Variants in CDH18 observed in about 807,000 individuals in gnomAD.
CDH18 encodes cadherin-18.
In CDH18, 31 loss-of-function variants were observed where a neutral mutation model predicts 67.9. That is an observed-to-expected ratio of 0.46 (90% CI 0.34 to 0.62). CDH18 has a LOEUF of 0.62. CDH18 is among the 20% of genes least tolerant of loss of function. The probability of loss-of-function intolerance (pLI) is 0.01; values close to 1 mark genes in which losing one functional copy is unlikely to be tolerated. For missense variants in CDH18, 890 were observed against 975.5 expected (o/e 0.91, Z 1.17); for synonymous variants, 362 against 347.2 (o/e 1.04, Z -0.48).
chr5:20,230,625 G>A (rs768168826), intron 2 of CDH18, among the ~76,000 whole-genome samples: 2 of 146,664 alleles, frequency 1.4e-5, no homozygotes, highest in African/African-American at 5.0e-5. Context: ...CTTCATTTCA[G>A]ATAAGTATAG....
At chr5:19,925,143 T>A (rs962208475) in intron 2 of CDH18, among the ~76,000 whole-genome samples, 3 of 152,158 alleles carry the variant, frequency 2.0e-5, no homozygotes, top group African/African-American at 7.2e-5. Flanking sequence ...AAGACACAGG[T>A]ACAGTACTTT....
At chr5:20,249,538 G>A (rs1743656726) in intron 2 of CDH18, among the ~76,000 whole-genome samples, 1 of 151,808 alleles carries the variant, frequency 6.6e-6, no homozygotes, top group Non-Finnish European at 1.5e-5. Flanking sequence ...GCCCGCCACT[G>A]CGCCCACCTA....
At chr5:19,760,988 C>T (rs1772262070) in intron 3 of CDH18, among the ~76,000 whole-genome samples, 1 of 152,104 alleles carries the variant, frequency 6.6e-6, no homozygotes, top group South Asian at 2.1e-4. Context: ...AAATATTCAC[C>T]AGAGTTTACA....
intron 1 of CDH18, among the ~76,000 whole-genome samples, chr5:20,469,937 C>T (rs1561035740): frequency 6.6e-6 from 1 of 152,116 alleles, no homozygotes; most frequent in Non-Finnish European, 1.5e-5. Flanking sequence ...TCCTGAACTA[C>T]TGTGGACTTG....
intron 1 of CDH18, among the ~76,000 whole-genome samples, chr5:20,531,986 A>G (rs1756428818): frequency 1.3e-5 from 2 of 152,118 alleles, no homozygotes. Context: ...ATCCTGCTCA[A>G]ATGTATGTAT....
chr5:19,525,187 A>G (rs1469786859), intron 9 of CDH18, among the ~76,000 whole-genome samples: 1 of 152,190 alleles, frequency 6.6e-6, no homozygotes, highest in Non-Finnish European at 1.5e-5. Flanking sequence ...GTTGACTGCT[A>G]TCAGCTGTCA....
Position 20,387,743 on chromosome 5 carries a change from T to C in CDH18, c.-579-132238A>G, listed in dbSNP as rs560274868. Among the ~76,000 whole-genome samples the C allele has an allele frequency of 7.9e-5, 12 of 152,316 alleles. No individual in the cohort carries two copies. In the East Asian group the frequency reaches 1.7e-3, roughly 22 times the overall value. ...TCTTATTATGCTGAGATACGTCCCA[T>C]TGATACCTAATTTATTGAGAGTTTT... On this transcript the variant is annotated intron_variant, in intron 1 of 14. Coordinates refer to the CDH18 transcript ENST00000507958.
At chr5:19,868,700 A>G (rs1273507916) in intron 2 of CDH18, among the ~76,000 whole-genome samples, 1 of 152,204 alleles carries the variant, frequency 6.6e-6, no homozygotes, top group East Asian at 1.9e-4. Context: ...ACTCATTTCT[A>G]TAAAATGAAA....
At chr5:20,510,344 G>A (rs910426368) in intron 1 of CDH18, among the ~76,000 whole-genome samples, 6 of 152,056 alleles carry the variant, frequency 3.9e-5, no homozygotes, top group South Asian at 4.2e-4. Flanking sequence ...TCTGTGAGGC[G>A]CCCCTTCCTC....
At chr5:19,862,713 A>G (rs578230167) in intron 2 of CDH18, among the ~76,000 whole-genome samples, 90 of 152,344 alleles carry the variant, frequency 5.9e-4, no homozygotes, top group Non-Finnish European at 1.1e-3. Context: ...AAGAAACTTA[A>G]GCCTATCTAT....
intron 9 of CDH18, among the ~76,000 whole-genome samples, chr5:19,533,021 A>G (rs1482834294): frequency 5.3e-5 from 8 of 152,298 alleles, no homozygotes; most frequent in Non-Finnish European, 1.0e-4. Flanking sequence ...AATTCAGGGG[A>G]AAAATAACAT....
chr5:19,607,365 C>A (rs1360920675), intron 6 of CDH18, among the ~76,000 whole-genome samples: 3 of 151,002 alleles, frequency 2.0e-5, no homozygotes, highest in Non-Finnish European at 3.0e-5. Context: ...ATAGAAAAAA[C>A]AACAACAAAG....
intron 2 of CDH18, among the ~76,000 whole-genome samples, chr5:20,153,099 C>T (rs1259771992): frequency 6.6e-5 from 10 of 151,852 alleles, no homozygotes; most frequent in Admixed American, 5.3e-4. Flanking sequence ...TATGCCACCA[C>T]GTCCAGCTAA....
Position 20,555,408 on chromosome 5 carries a change from C to CTTTTTTTTTTTTTTTTTTTTTTTTTTTT in CDH18, c.-580+20026_-580+20053dup, listed in dbSNP as rs774396694. ...GCCAGAACCACCAAGACAAGCTTTT[C>CTTTTTTTTTTTTTTTTTTTTTTTTTTTT]TTTTTTTTTTTTTTTTTTTTTTTTT... On this transcript the variant is annotated intron_variant, in intron 1 of 14. Transcript: ENST00000507958. Among the ~76,000 whole-genome samples the CTTTTTTTTTTTTTTTTTTTTTTTTTTTT allele has an allele frequency of 1.2e-4, 12 of 103,656 alleles. 2 individuals are homozygous for CTTTTTTTTTTTTTTTTTTTTTTTTTTTT. Among genetic ancestry groups the CTTTTTTTTTTTTTTTTTTTTTTTTTTTT allele is most frequent in the Admixed American group, 3.1e-4 (3 of 9,832 alleles). 68.0% of individuals were successfully genotyped at this position (103,656 alleles called of 152,430 possible).
chr5:19,955,452 G>T (rs1054599972), intron 2 of CDH18, among the ~76,000 whole-genome samples: 1 of 152,056 alleles, frequency 6.6e-6, no homozygotes, highest in Non-Finnish European at 1.5e-5. Context: ...GCTGTGAGAT[G>T]ATGAATTTAA....
At chr5:20,231,138 C>A (rs1483801263) in intron 2 of CDH18, among the ~76,000 whole-genome samples, 1 of 152,148 alleles carries the variant, frequency 6.6e-6, no homozygotes, top group African/African-American at 2.4e-5. Flanking sequence ...TAACTCTTAT[C>A]TACAAAACTT....
chr5:19,784,795 A>C (rs190457525), intron 3 of CDH18, among the ~76,000 whole-genome samples: 1 of 152,320 alleles, frequency 6.6e-6, no homozygotes, highest in African/African-American at 2.4e-5. Context: ...AAATCTAAAA[A>C]GACACATTTA....
chr5:19,965,691 C>T (rs969019240), intron 2 of CDH18, among the ~76,000 whole-genome samples: 49 of 152,026 alleles, frequency 3.2e-4, no homozygotes, highest in African/African-American at 1.1e-3. Context: ...GTCCTGAAGG[C>T]TACATTTCTC....
chr5:19,990,056 G>T (rs918421995), upstream of CDH18, among the ~76,000 whole-genome samples: 3 of 152,122 alleles, frequency 2.0e-5, no homozygotes, highest in African/African-American at 4.8e-5. Context: ...CTTGTGTAGT[G>T]TCCAGACACA....
Sources: allele counts gnomAD v4.1 joint callset (sites outside exome capture counted in the v4.1 genomes callset), GRCh38; gene constraint gnomAD v4.1.1; transcripts MANE v1.5; gene names NCBI Gene and HGNC (gene_info 2026-07-23, HGNC 2026-07-21).